IRS1: variants seen among roughly 807,000 people sequenced by gnomAD.
IRS1 encodes the protein insulin receptor substrate 1.
A neutral mutation model predicts 65.6 loss-of-function variants in IRS1; 34 were observed. That is an observed-to-expected ratio of 0.52 (90% CI 0.39 to 0.69). IRS1 has a LOEUF of 0.69. IRS1 is among the 30% of genes least tolerant of loss of function. IRS1 has a pLI of 0.00. For missense variants in IRS1, 1,641 were observed against 1,720.2 expected, an observed-to-expected ratio of 0.95 and a Z score of 0.81; for synonymous variants, 699 against 683.5, an observed-to-expected ratio of 1.02 and a Z score of -0.35.
chr2:226,798,789 C>G lies in IRS1; in HGVS notation c.-51G>C. 5.1e-6 allele frequency: 8 copies of G among 1,576,702 alleles called. No homozygotes were observed. Among genetic ancestry groups the G allele is most frequent in the Non-Finnish European group, 6.9e-6 (8 of 1,162,096 alleles). On this transcript the variant is annotated 5_prime_UTR_variant, in exon 1 of 2. Coordinates refer to ENST00000305123, the MANE Select transcript of IRS1 (RefSeq NM_005544.3). The surrounding 1 kb of genome is among the most constrained non-coding windows in gnomAD (Gnocchi z 9.4). ...AGCAGAGGGAGGCTCCGAAAAACAA[C>G]CGGGTGGGGGGCGGAGGCTCCTCGC...
chr2:226,761,982 C>T (rs1938924714), intron 1 of IRS1, among the ~76,000 whole-genome samples: 1 of 152,146 alleles, frequency 6.6e-6, no homozygotes. Flanking sequence ...TTCCGCTTAT[C>T]CAAAAAGCAA....
chr2:226,795,663 G>A lies in IRS1; in HGVS notation c.3076C>T (p.Leu1026=). Residue 1026 remains leucine (L), a synonymous_variant, in exon 1 of 2, where the codon CTG becomes TTG. Coordinates refer to ENST00000305123, the MANE Select transcript of IRS1 (RefSeq NM_005544.3). ...RTGIAAEEVS[L]PRATMAAASS... is the part of the protein sequence containing the mutation. ...GCAGCAGCCATGGTGGCCCTGGGCAGGCTCACCTCCTCTGCAGCAATGCCT... is the reference window on the plus strand; with the variant it reads ...GCAGCAGCCATGGTGGCCCTGGGCAAGCTCACCTCCTCTGCAGCAATGCCT... 1 of 1,613,122 alleles carries A rather than the reference G, an allele frequency of 6.2e-7. No individual in the cohort carries two copies. The highest frequency in any genetic ancestry group is 8.5e-7 in the Non-Finnish European group (1 of 1,179,970).
intron 1 of IRS1, among the ~76,000 whole-genome samples, chr2:226,790,304 C>G (rs1365373772): frequency 6.6e-6 from 1 of 150,382 alleles, no homozygotes; most frequent in African/African-American, 2.5e-5. Context: ...TTTAAGATAG[C>G]ACAAAGCTAT....
intron 1 of IRS1, among the ~76,000 whole-genome samples, chr2:226,765,585 G>T (rs1189070153): frequency 6.6e-6 from 1 of 152,118 alleles, no homozygotes; most frequent in African/African-American, 2.4e-5. Flanking sequence ...ACTTTCCTAG[G>T]CTCACAGGAG....
chr2:226,755,146 A>C (rs1938769060), intron 1 of IRS1, among the ~76,000 whole-genome samples: 1 of 152,230 alleles, frequency 6.6e-6, no homozygotes, highest in South Asian at 2.1e-4. Flanking sequence ...ATCCTTTTTT[A>C]GAAAGCCAAA....
In IRS1 at chr2:226,736,172, G is replaced by A. The variant is rs901257699; in HGVS notation, c.*100C>T. ...CTGATGAGGAAGATATGAGGTCCTA[G>A]TTGTGAATCATGAAATATTTAGAGT... On this transcript the variant is annotated 3_prime_UTR_variant, in exon 2 of 2. Transcript: ENST00000305123. 2.0e-5 allele frequency: 3 copies of A among 152,514 alleles called. No homozygotes were observed. The highest frequency in any genetic ancestry group is 7.2e-5 in the African/African-American group (3 of 41,418). The allele number at this position is 152,514 out of a possible 1,614,324, so 9.4% of individuals were successfully genotyped here.
At chr2:226,758,830 C>A (rs1449420572) in intron 1 of IRS1, among the ~76,000 whole-genome samples, 2 of 152,176 alleles carry the variant, frequency 1.3e-5, no homozygotes, top group African/African-American at 4.8e-5. Context: ...AGACAGGACA[C>A]ACCCAACCTA....
intron 1 of IRS1, among the ~76,000 whole-genome samples, chr2:226,743,729 A>G (rs1175163059): frequency 6.6e-6 from 1 of 152,202 alleles, no homozygotes; most frequent in African/African-American, 2.4e-5. Context: ...GTAATTTCAC[A>G]TCACTTTTGG....
At chr2:226,766,147 A>ATT (rs1939036739) in intron 1 of IRS1, among the ~76,000 whole-genome samples, 1 of 3,864 alleles carries the variant, frequency 2.6e-4, no homozygotes, top group Non-Finnish European at 7.8e-4. Context: ...ATATATATAT[A>ATT]TATATATATA....
chr2:226,784,902 C>A (rs1458964023), intron 1 of IRS1, among the ~76,000 whole-genome samples: 1 of 152,218 alleles, frequency 6.6e-6, no homozygotes, highest in Admixed American at 6.5e-5. Context: ...ATTATCTCAG[C>A]AATACACACT....
chr2:226,760,192 A>T (rs1431504829), intron 1 of IRS1, among the ~76,000 whole-genome samples: 1 of 152,152 alleles, frequency 6.6e-6, no homozygotes, highest in Non-Finnish European at 1.5e-5. Flanking sequence ...AAATAATAAT[A>T]ATAATGCATA....
chr2:226,766,448 C>A (rs1002343259), intron 1 of IRS1, among the ~76,000 whole-genome samples: 1 of 151,562 alleles, frequency 6.6e-6, no homozygotes, highest in Non-Finnish European at 1.5e-5. Context: ...ACAGCGTGAG[C>A]CACCACGCCC....
intron 1 of IRS1, among the ~76,000 whole-genome samples, chr2:226,757,903 CAAAAT>C (rs1938837288): frequency 6.6e-6 from 1 of 152,126 alleles, no homozygotes; most frequent in African/African-American, 2.4e-5. Flanking sequence ...AAATTAACAA[CAAAAT>C]GTTTTATTTA....
At chr2:226,753,654 G>A (rs1938733319) in intron 1 of IRS1, among the ~76,000 whole-genome samples, 1 of 152,092 alleles carries the variant, frequency 6.6e-6, no homozygotes, top group Admixed American at 6.5e-5. Context: ...GAAAATCATA[G>A]GTACTCATAA....
chr2:226,787,134 G>C (rs1939502966), intron 1 of IRS1, among the ~76,000 whole-genome samples: 1 of 151,994 alleles, frequency 6.6e-6, no homozygotes, highest in Non-Finnish European at 1.5e-5. Context: ...TCATTTAACA[G>C]CTGGATGCCT....
rs200422050 is a variant in IRS1 at position 226,795,644 on chromosome 2, G to A, written c.3095C>T (p.Ala1032Val). The A allele has an allele frequency of 2.5e-6, 4 of 1,612,838 alleles. No homozygotes were observed. In the African/African-American group the frequency reaches 5.3e-5, roughly 21 times the overall value. ...GGCTGCTGAGGATGAGGAGGCAGCA[G>A]CCATGGTGGCCCTGGGCAGGCTCAC... is the stretch of plus-strand genomic sequence containing the variant. ...EEVSLPRATM[A>V]AASSSSAASA... Residue 1032 changes from alanine to valine, a missense_variant, in exon 1 of 2, where the codon GCT (alanine) becomes GTT (valine). Ala to Val is a moderately conservative substitution (Grantham distance 64). Transcript: ENST00000305123.
intron 1 of IRS1, among the ~76,000 whole-genome samples, chr2:226,783,161 G>A (rs1223635529): frequency 2.6e-5 from 4 of 152,172 alleles, no homozygotes; most frequent in African/African-American, 9.7e-5. Context: ...ACTTAGGGGT[G>A]AGCTTTCAGC....
At chr2:226,758,864 G>C (rs1303417364) in intron 1 of IRS1, among the ~76,000 whole-genome samples, 123 of 152,326 alleles carry the variant, frequency 8.1e-4, no homozygotes, top group African/African-American at 2.7e-3. Flanking sequence ...ATCCAAGGAA[G>C]TGAAATTTGT....
At chr2:226,780,672 G>C (rs371355272) in intron 1 of IRS1, among the ~76,000 whole-genome samples, 1 of 152,114 alleles carries the variant, frequency 6.6e-6, no homozygotes, top group Non-Finnish European at 1.5e-5. Context: ...GGGAAGGGAG[G>C]AAGTGTCCAA....
Sources: gnomAD v4.1 joint callset for allele counts (sites outside exome capture counted in the v4.1 genomes callset) on GRCh38, gnomAD v4.1.1 for gene constraint, Gnocchi (gnomAD v3.1) non-coding constraint, MANE v1.5 for transcripts, NCBI Gene and HGNC (gene_info 2026-07-23, HGNC 2026-07-21) for gene names.